The following DIP2B variants were observed in gnomAD, a reference collection of about 807,000 sequenced individuals.
DIP2B encodes the protein disco-interacting protein 2 homolog B.
Under a neutral mutation model 198.0 loss-of-function variants are expected in DIP2B, and 76 were observed. That is an observed-to-expected ratio of 0.38 (90% confidence interval 0.32 to 0.46). The LOEUF is 0.46. Ranked by LOEUF, DIP2B falls within the 20% of genes least tolerant of loss-of-function variation. The probability of loss-of-function intolerance (pLI) is 0.99; values close to 1 mark genes in which losing one functional copy is unlikely to be tolerated. For missense variants in DIP2B, 1,559 were observed against 1,978.4 expected (o/e 0.79, Z 4.02); for synonymous variants, 701 against 739.1 (o/e 0.95, Z 0.84).
intron 1 of DIP2B, among the ~76,000 whole-genome samples, chr12:50,625,219 C>G (rs1319810198): frequency 1.3e-5 from 2 of 152,310 alleles, no homozygotes; most frequent in South Asian, 2.1e-4. Context: ...TCTTGTTTCT[C>G]TGCATTTCCT....
intron 1 of DIP2B, among the ~76,000 whole-genome samples, chr12:50,566,213 G>GT (rs530424900): frequency 6.6e-6 from 1 of 151,474 alleles, no homozygotes; most frequent in African/African-American, 2.4e-5. Context: ...CAGCTAATTT[G>GT]TTTTTTTGTA....
chr12:50,632,094 G>A (rs1399884685), intron 2 of DIP2B, among the ~76,000 whole-genome samples: 2 of 151,690 alleles, frequency 1.3e-5, no homozygotes, highest in Non-Finnish European at 2.9e-5. Context: ...CCTTCCAAAA[G>A]TGCTAGGATT....
chr12:50,514,860 G>T lies in DIP2B; in HGVS notation c.100+9620G>T, dbSNP rs1003934397. 9.2e-5 allele frequency among the ~76,000 whole-genome samples: 14 copies of T among 152,034 alleles called. No individual in the cohort carries two copies. In the East Asian group the frequency reaches 2.7e-3, roughly 29 times the overall value. ...TTTTGTAGCAACAAGGTCTTGCTTT[G>T]TTGCCCAGGCTGATCTTGAACTCCT... On this transcript the variant is annotated intron_variant, in intron 1 of 37. Transcript: ENST00000301180.
intron 1 of DIP2B, among the ~76,000 whole-genome samples, chr12:50,606,182 A>G (rs919725728): frequency 1.3e-5 from 2 of 151,768 alleles, no homozygotes; most frequent in Non-Finnish European, 2.9e-5. Context: ...GTACAGTGAT[A>G]TCATCATAGC....
At position 50,660,245 on chromosome 12, in the gene DIP2B, A is replaced by G; in HGVS notation, c.353A>G (p.Lys118Arg). Residue 118 changes from lysine (K) to arginine (R), a missense_variant, in exon 4 of 38, where the codon AAG (lysine) becomes AGG (arginine). Coordinates refer to ENST00000301180, the MANE Select transcript of DIP2B (RefSeq NM_173602.3). ...GCACTGGCAAAGCATAAAGAACAGAAGATGGCTTTGCCCATGCCAACCAAA... is the reference window on the plus strand; with the variant it reads ...GCACTGGCAAAGCATAAAGAACAGAGGATGGCTTTGCCCATGCCAACCAAA... Reference protein sequence around the residue: ...QAALAKHKEQKMALPMPTKRR... With the variant: ...QAALAKHKEQRMALPMPTKRR... 6.2e-7 allele frequency: 1 copy of G among 1,613,570 alleles called. No homozygotes were observed. The highest frequency in any genetic ancestry group is 8.5e-7 in the Non-Finnish European group (1 of 1,179,748).
intron 21 of DIP2B, among the ~76,000 whole-genome samples, chr12:50,707,556 T>C (rs1939536387): frequency 6.6e-6 from 1 of 152,254 alleles, no homozygotes; most frequent in East Asian, 1.9e-4. Context: ...GTGCCAACAC[T>C]GTGCCGCTGT....
chr12:50,610,040 G>C (rs190172924), intron 1 of DIP2B, among the ~76,000 whole-genome samples: 30 of 152,274 alleles, frequency 2.0e-4, no homozygotes, highest in African/African-American at 6.7e-4. Flanking sequence ...GAATTCTGCA[G>C]ATACAGCTAT....
chr12:50,648,954 CAT>C (rs1271276078), intron 3 of DIP2B, among the ~76,000 whole-genome samples: 1 of 152,036 alleles, frequency 6.6e-6, no homozygotes, highest in Admixed American at 6.6e-5. Flanking sequence ...ACAACCTTAA[CAT>C]ATGCAAATAA....
chr12:50,572,405 G>A (rs1200019996), intron 1 of DIP2B, among the ~76,000 whole-genome samples: 2 of 152,162 alleles, frequency 1.3e-5, no homozygotes, highest in Non-Finnish European at 2.9e-5. Flanking sequence ...GGAACTGAAA[G>A]CATTTGCTAG....
chr12:50,741,421 C>T lies in DIP2B; in HGVS notation c.4360C>T (p.His1454Tyr). The T allele has an allele frequency of 6.2e-7, 1 of 1,613,870 alleles. No homozygotes were observed. The highest frequency in any genetic ancestry group is 8.5e-7 in the Non-Finnish European group (1 of 1,179,952). ...TELTAATGER[H>Y]DALYVVGALD... ...TCTCTTTTTCTTTCTGTCAGAGCGT[C>T]ATGATGCATTGTATGTGGTGGGAGC... Residue 1454 changes from histidine (H) to tyrosine (Y), a missense_variant, in exon 37 of 38, where the codon CAT becomes TAT. His to Tyr is a moderately conservative substitution (Grantham distance 83). Coordinates refer to ENST00000301180, the MANE Select transcript of DIP2B (RefSeq NM_173602.3).
chr12:50,609,243 T>C (rs1320045031), intron 1 of DIP2B, among the ~76,000 whole-genome samples: 1 of 152,234 alleles, frequency 6.6e-6, no homozygotes, highest in Non-Finnish European at 1.5e-5. Flanking sequence ...TTTAGTACCA[T>C]GGTTTATGGT....
chr12:50,742,418 A>AAAAG (rs1940266357), intron 37 of DIP2B, among the ~76,000 whole-genome samples: 2 of 80,846 alleles, frequency 2.5e-5, no homozygotes, highest in African/African-American at 7.3e-5. Flanking sequence ...AAAAAAAAAA[A>AAAAG]AAAACCACCT....
chr12:50,607,417 T>C (rs1958992904), intron 1 of DIP2B, among the ~76,000 whole-genome samples: 1 of 152,150 alleles, frequency 6.6e-6, no homozygotes, highest in African/African-American at 2.4e-5. Context: ...GAATGGAAGA[T>C]CTAGACATTT....
intron 28 of DIP2B, among the ~76,000 whole-genome samples, chr12:50,726,204 C>T (rs1400999462): frequency 6.6e-6 from 1 of 152,176 alleles, no homozygotes; most frequent in African/African-American, 2.4e-5. Flanking sequence ...CCTTCTTGAT[C>T]CAGAAAGCCA....
chr12:50,589,984 TTC>T (rs138570603), intron 1 of DIP2B, among the ~76,000 whole-genome samples: 6 of 150,558 alleles, frequency 4.0e-5, no homozygotes, highest in Non-Finnish European at 7.4e-5. Context: ...CATTTCCTGT[TTC>T]TCTCTCTCTC....
intron 1 of DIP2B, among the ~76,000 whole-genome samples, chr12:50,567,793 G>T (rs1305598363): frequency 6.6e-6 from 1 of 152,166 alleles, no homozygotes; most frequent in Non-Finnish European, 1.5e-5. Flanking sequence ...TTCCCAAAGT[G>T]CTGGGACTAC....
At position 50,511,215 on chromosome 12, in the gene DIP2B, A is replaced by T. The variant is rs370026079; in HGVS notation, c.100+5975A>T. 2.4e-4 allele frequency among the ~76,000 whole-genome samples: 35 copies of T among 148,642 alleles called. No individual in the cohort carries two copies. The East Asian group carries it at 3.8e-3, about 16-fold the overall frequency. On this transcript the variant is annotated intron_variant, in intron 1 of 37. Transcript: ENST00000301180. ...TGCTTTGTCCTCGCAAAGTGCTGGG[A>T]TTACAGGTGTGAGCCACTGTGCCAG...
At chr12:50,529,045 T>C (rs1484716284) in intron 1 of DIP2B, among the ~76,000 whole-genome samples, 1 of 152,182 alleles carries the variant, frequency 6.6e-6, no homozygotes, top group African/African-American at 2.4e-5. Context: ...AAACAACTTT[T>C]AGTGAGTTTT....
intron 27 of DIP2B, among the ~76,000 whole-genome samples, chr12:50,723,695 T>C (rs1939881046): frequency 6.6e-6 from 1 of 151,698 alleles, no homozygotes; most frequent in Non-Finnish European, 1.5e-5. Context: ...AGGTTAGAAG[T>C]GAGCTGAGAT....
Sources: allele counts gnomAD v4.1 joint callset (sites outside exome capture counted in the v4.1 genomes callset), GRCh38; gene constraint gnomAD v4.1.1; transcripts MANE v1.5; gene names NCBI Gene and HGNC (gene_info 2026-07-23, HGNC 2026-07-21).